Variants in TMEM108 observed in about 807,000 individuals in gnomAD.
TMEM108 encodes transmembrane protein 108, also known as cancer/testis antigen 124.
TMEM108 carries 12 observed loss-of-function variants against 35.1 expected under a neutral mutation model. The observed-to-expected ratio is 0.34, with a 90% CI of 0.22 to 0.55. TMEM108 has a LOEUF of 0.55. TMEM108 is among the 20% of genes least tolerant of loss of function. TMEM108 has a pLI of 0.89. For synonymous variants in TMEM108, 287 were observed against 308.6 expected (o/e 0.93, Z 0.73); for missense variants, 680 against 753.3 (o/e 0.90, Z 1.14).
intron 2 of TMEM108, among the ~76,000 whole-genome samples, chr3:133,217,721 CA>C (rs1945930159): frequency 6.6e-6 from 1 of 151,974 alleles, no homozygotes; most frequent in Admixed American, 6.6e-5. Context: ...GCATCTTTGT[CA>C]AAAATCAATT....
At chr3:133,073,449 CT>C (rs1943699076) in intron 2 of TMEM108, among the ~76,000 whole-genome samples, 1 of 128,728 alleles carries the variant, frequency 7.8e-6, no homozygotes, top group South Asian at 2.5e-4. Context: ...TGACAGGATT[CT>C]CTTTTTTTTT....
intron 3 of TMEM108, among the ~76,000 whole-genome samples, chr3:133,254,647 T>C (rs1031225119): frequency 1.3e-5 from 2 of 152,220 alleles, no homozygotes; most frequent in Admixed American, 6.5e-5. Flanking sequence ...GATTGATTGA[T>C]TAAGACTGCC....
intron 3 of TMEM108, among the ~76,000 whole-genome samples, chr3:133,265,958 GATAAATTCCTCTT>G (rs1325466880): frequency 1.3e-5 from 2 of 152,112 alleles, no homozygotes; most frequent in Admixed American, 1.3e-4. Context: ...AGACCTGTAA[GATAAATTCCTCTT>G]ATAATTCAAT....
rs150182837 is a variant in TMEM108 at position 133,100,590 on chromosome 3, G to A, written c.-47+54570G>A. The stretch of plus-strand genomic sequence containing the variant: ...ACTGAACACCAGCCTGGGTGACAGA[G>A]CAAGACCCTGTCTCATAAATAAAAT... On this transcript the variant is annotated intron_variant, in intron 2 of 5. Coordinates refer to ENST00000321871, the MANE Select transcript of TMEM108 (RefSeq NM_023943.4). Among the ~76,000 whole-genome samples, 341 of 152,242 alleles carry A rather than the reference G, an allele frequency of 2.2e-3. 3 individuals carry two copies. Among genetic ancestry groups the A allele is most frequent in the African/African-American group, 7.7e-3 (321 of 41,560 alleles).
At position 133,350,459 on chromosome 3, in the gene TMEM108, T is replaced by C. The variant is rs533559405; in HGVS notation, c.41-29293T>C. On this transcript the variant is annotated intron_variant, in intron 3 of 5. Coordinates refer to ENST00000321871, the MANE Select transcript of TMEM108 (RefSeq NM_023943.4). ...GTGGTTCTCACCACAAAAAAAAAGA[T>C]GATAAATGCATGAGGTAATAGATAT... Among the ~76,000 whole-genome samples the C allele has an allele frequency of 2.0e-5, 3 of 152,200 alleles. No homozygotes were observed. In the South Asian group the frequency reaches 6.2e-4, roughly 32 times the overall value.
At chr3:133,181,908 T>G (rs1945351444) in intron 2 of TMEM108, among the ~76,000 whole-genome samples, 1 of 152,184 alleles carries the variant, frequency 6.6e-6, no homozygotes, top group African/African-American at 2.4e-5. Context: ...GCCCTGAAAA[T>G]TTGAAGATGG....
At position 133,087,102 on chromosome 3, in the gene TMEM108, G is replaced by A. The variant is rs1011088500; in HGVS notation, c.-47+41082G>A. ...CAGGGGTAGCCACCAGCAGTTGGGTGCAGCCCTGATAGAGATTAATGTAAC... is the reference window on the plus strand; with the variant it reads ...CAGGGGTAGCCACCAGCAGTTGGGTACAGCCCTGATAGAGATTAATGTAAC... On this transcript the variant is annotated intron_variant, in intron 2 of 5. Transcript: ENST00000321871. Among the ~76,000 whole-genome samples, 5 of 152,300 alleles carry A rather than the reference G, an allele frequency of 3.3e-5. No individual in the cohort carries two copies. The East Asian group carries it at 9.6e-4, about 29-fold the overall frequency.
intron 2 of TMEM108, among the ~76,000 whole-genome samples, chr3:133,145,377 A>G (rs1359955647): frequency 6.6e-6 from 1 of 152,052 alleles, no homozygotes; most frequent in Non-Finnish European, 1.5e-5. Context: ...CTTGTAGTGT[A>G]GTTTGAAGTC....
chr3:133,377,908 A>G (rs1013790265), intron 3 of TMEM108, among the ~76,000 whole-genome samples: 2 of 152,232 alleles, frequency 1.3e-5, no homozygotes, highest in Non-Finnish European at 2.9e-5. Context: ...TGAACTGCAC[A>G]TGCAAGGGAT....
At chr3:133,310,398 C>CATAT (rs1358849214) in intron 3 of TMEM108, among the ~76,000 whole-genome samples, 1 of 152,082 alleles carries the variant, frequency 6.6e-6, no homozygotes, top group East Asian at 1.9e-4. Flanking sequence ...GTATTGGGTG[C>CATAT]ATATATATTT....
intron 2 of TMEM108, among the ~76,000 whole-genome samples, chr3:133,089,415 T>G (rs1943921514): frequency 6.6e-6 from 1 of 152,220 alleles, no homozygotes; most frequent in Non-Finnish European, 1.5e-5. Flanking sequence ...TCATGTCCTT[T>G]GAAAGAAAAT....
At chr3:133,040,247 AGGCTGGAGTGCAGTGGTGCGATCTC>A (rs1198204877) in intron 1 of TMEM108, among the ~76,000 whole-genome samples, 1 of 136,982 alleles carries the variant, frequency 7.3e-6, no homozygotes, top group Non-Finnish European at 1.5e-5. Context: ...TCTGTCACCC[AGGCTGGAGTGCAGTGGTGCGATCTC>A]GGCTCACTGT....
At chr3:133,322,941 C>T (rs934035195) in intron 3 of TMEM108, among the ~76,000 whole-genome samples, 3 of 151,976 alleles carry the variant, frequency 2.0e-5, no homozygotes, top group Non-Finnish European at 1.5e-5. Context: ...CACAGAAAAG[C>T]GTTTGACAAA....
chr3:133,146,652 G>A (rs1309642891), intron 2 of TMEM108, among the ~76,000 whole-genome samples: 2 of 152,102 alleles, frequency 1.3e-5, no homozygotes, highest in East Asian at 1.9e-4. Context: ...ACTTGTTATT[G>A]GTCTATTCAG....
intron 2 of TMEM108, among the ~76,000 whole-genome samples, chr3:133,156,684 G>A (rs1944886394): frequency 6.6e-6 from 1 of 152,174 alleles, no homozygotes; most frequent in South Asian, 2.1e-4. Flanking sequence ...CATTTGTGAT[G>A]TACAAAAATG....
intron 3 of TMEM108, chr3:133,378,432 G>T (rs983223902): frequency 1.0e-6 from 1 of 985,496 alleles, no homozygotes; most frequent in South Asian, 4.7e-5. Flanking sequence ...GAGGAAAGAC[G>T]CTCTGAGAGA....
At chr3:133,098,904 A>G (rs1001530555) in intron 2 of TMEM108, among the ~76,000 whole-genome samples, 29 of 152,156 alleles carry the variant, frequency 1.9e-4, no homozygotes, top group African/African-American at 7.0e-4. Flanking sequence ...ACACAGTGCA[A>G]GCTGTCAGTG....
Sources: allele counts gnomAD v4.1 joint callset (sites outside exome capture counted in the v4.1 genomes callset), GRCh38; gene constraint gnomAD v4.1.1; transcripts MANE v1.5; gene names NCBI Gene and HGNC (gene_info 2026-07-23, HGNC 2026-07-21).